PDE1A: variants seen among roughly 807,000 people sequenced by gnomAD.
PDE1A encodes the protein phosphodiesterase 1A.
In PDE1A, 35 loss-of-function variants were observed where a neutral mutation model predicts 61.7. That is an observed-to-expected ratio of 0.57 (90% CI 0.43 to 0.75). PDE1A has a LOEUF of 0.75. Ranked by LOEUF, PDE1A falls within the 30% of genes least tolerant of loss-of-function variation. PDE1A has a pLI of 0.00. For missense variants in PDE1A, 597 were observed against 630.6 expected, an observed-to-expected ratio of 0.95 and a Z score of 0.57; for synonymous variants, 232 against 213.2, an observed-to-expected ratio of 1.09 and a Z score of -0.77.
At chr2:182,306,143 T>C (rs2125930434) in intron 1 of PDE1A, among the ~76,000 whole-genome samples, 1 of 152,272 alleles carries the variant, frequency 6.6e-6, no homozygotes, top group African/African-American at 2.4e-5. Flanking sequence ...TAGTTTTTCC[T>C]TGCCTGGCTT....
intron 1 of PDE1A, among the ~76,000 whole-genome samples, chr2:182,293,633 A>C (rs1001368807): frequency 6.6e-6 from 1 of 152,152 alleles, no homozygotes; most frequent in Non-Finnish European, 1.5e-5. Context: ...GTCTGAAACT[A>C]CAGAAAGTAC....
chr2:182,382,303 C>T (rs1298412840), intron 1 of PDE1A, among the ~76,000 whole-genome samples: 1 of 152,110 alleles, frequency 6.6e-6, no homozygotes, highest in South Asian at 2.1e-4. Flanking sequence ...AGCTAGAGAA[C>T]GTTTTGACAA....
the PDE1A span, among the ~76,000 whole-genome samples, chr2:182,668,410 C>G: frequency 6.6e-6 from 1 of 152,056 alleles, no homozygotes; most frequent in Admixed American, 6.5e-5. Context: ...CAATCAACTT[C>G]ACTTCAGTGG....
chr2:182,671,468 G>C, the PDE1A span, among the ~76,000 whole-genome samples: 2 of 147,760 alleles, frequency 1.4e-5, no homozygotes, highest in East Asian at 4.1e-4. Context: ...GATTACAGGC[G>C]TGAGCCACCA....
At chr2:182,642,598 G>C in the PDE1A span, among the ~76,000 whole-genome samples, 15 of 152,134 alleles carry the variant, frequency 9.9e-5, no homozygotes, top group African/African-American at 3.4e-4. Flanking sequence ...ATGCAGCCAG[G>C]CCACACCGGT....
the PDE1A span, among the ~76,000 whole-genome samples, chr2:182,608,706 G>T: frequency 6.6e-6 from 1 of 152,212 alleles, no homozygotes; most frequent in Admixed American, 6.5e-5. Context: ...CTGCGCCTCC[G>T]GAGCCTCCCC....
chr2:182,595,929 C>T, the PDE1A span, among the ~76,000 whole-genome samples: 4 of 152,162 alleles, frequency 2.6e-5, no homozygotes, highest in Admixed American at 6.5e-5. Flanking sequence ...TCAACTGATG[C>T]TAGGGCCCAT....
chr2:182,335,437 G>A (rs1368016886), intron 1 of PDE1A, among the ~76,000 whole-genome samples: 1 of 152,162 alleles, frequency 6.6e-6, no homozygotes, highest in African/African-American at 2.4e-5. Flanking sequence ...CAATGGAACA[G>A]AACAGAGGCC....
intron 8 of PDE1A, among the ~76,000 whole-genome samples, chr2:182,202,654 T>C (rs1686764050): frequency 6.6e-6 from 1 of 152,118 alleles, no homozygotes; most frequent in Non-Finnish European, 1.5e-5. Context: ...GAAACCAAGA[T>C]GCTAAAGTGA....
rs1029106005 is a variant in PDE1A at position 182,386,043 on chromosome 2, C to T, written c.53+40535G>A. On this transcript the variant is annotated intron_variant, in intron 1 of 13. Transcript: ENST00000351439. Reference sequence around the variant, plus strand: ...CCTGACTGTGTTTTTTTGGTGGAGACGGGGTTTCGCTGTGTTGGCCGGGCT... The same window carrying T: ...CCTGACTGTGTTTTTTTGGTGGAGATGGGGTTTCGCTGTGTTGGCCGGGCT... Among the ~76,000 whole-genome samples the T allele has an allele frequency of 9.2e-5, 14 of 152,208 alleles. No homozygotes were observed. The East Asian group carries it at 1.2e-3, about 13-fold the overall frequency.
chr2:182,294,517 C>G (rs957596796), intron 1 of PDE1A, among the ~76,000 whole-genome samples: 1 of 152,120 alleles, frequency 6.6e-6, no homozygotes, highest in East Asian at 1.9e-4. Flanking sequence ...AAACGTGCTA[C>G]GTAGACATTG....
At chr2:182,186,724 C>A in intron 11 of PDE1A, 136 bp from the exon 12 acceptor site, 1 of 755,240 alleles carries the variant, frequency 1.3e-6, no homozygotes, top group Non-Finnish European at 2.1e-6. Context: ...GTTCTGCTTA[C>A]CCTTTGTATT....
chr2:182,343,754 G>A (rs1698343888), intron 1 of PDE1A, among the ~76,000 whole-genome samples: 2 of 152,044 alleles, frequency 1.3e-5, no homozygotes, highest in South Asian at 4.1e-4. Flanking sequence ...GATATTAAAT[G>A]TTTTATCTCT....
the PDE1A span, among the ~76,000 whole-genome samples, chr2:182,537,328 A>G: frequency 6.6e-6 from 1 of 152,238 alleles, no homozygotes; most frequent in South Asian, 2.1e-4. Flanking sequence ...ATAAAAAAGA[A>G]TGAGTTCATG....
chr2:182,188,593 C>T (rs1480833827), intron 11 of PDE1A, among the ~76,000 whole-genome samples: 1 of 152,118 alleles, frequency 6.6e-6, no homozygotes, highest in Non-Finnish European at 1.5e-5. Context: ...CTATATTAAG[C>T]ATACCATGGA....
chr2:182,604,998 T>C, the PDE1A span, among the ~76,000 whole-genome samples: 1 of 151,496 alleles, frequency 6.6e-6, no homozygotes, highest in Non-Finnish European at 1.5e-5. Flanking sequence ...AGCTTCAGAA[T>C]CACTTCATCA....
At chr2:182,375,124 G>T (rs924184410) in intron 1 of PDE1A, among the ~76,000 whole-genome samples, 3 of 152,122 alleles carry the variant, frequency 2.0e-5, no homozygotes, top group Non-Finnish European at 2.9e-5. Flanking sequence ...GATGAGATTT[G>T]GGTGGGGACA....
the PDE1A span, among the ~76,000 whole-genome samples, chr2:182,612,493 A>C: frequency 6.6e-6 from 1 of 152,208 alleles, no homozygotes; most frequent in Non-Finnish European, 1.5e-5. Flanking sequence ...TGACACTGAA[A>C]TCTTCTGTTT....
At chr2:182,407,772 T>C (rs1302940279) in intron 1 of PDE1A, among the ~76,000 whole-genome samples, 3 of 152,134 alleles carry the variant, frequency 2.0e-5, no homozygotes, top group Non-Finnish European at 4.4e-5. Context: ...AGCAAATGTA[T>C]GTAGCTAAGT....
Sources: allele counts gnomAD v4.1 joint callset (sites outside exome capture counted in the v4.1 genomes callset), GRCh38; gene constraint gnomAD v4.1.1; transcripts MANE v1.5; gene names NCBI Gene and HGNC (gene_info 2026-07-23, HGNC 2026-07-21).